Variants in MARCHF1 observed in about 807,000 individuals in gnomAD.
MARCHF1 encodes the protein E3 ubiquitin-protein ligase MARCHF1.
In MARCHF1, 40 loss-of-function variants were observed where a neutral mutation model predicts 54.2. The observed-to-expected ratio is 0.74, with a 90% confidence interval of 0.57 to 0.96. The LOEUF (loss-of-function observed/expected upper bound fraction) is 0.96. Ranked by LOEUF, MARCHF1 falls within the 40% of genes least tolerant of loss-of-function variation. The pLI, the probability that MARCHF1 is intolerant of heterozygous loss-of-function variation, is 0.00. For synonymous variants in MARCHF1, 236 were observed against 236.3 expected (o/e 1.00, Z 0.01); for missense variants, 586 against 656.5 (o/e 0.89, Z 1.17).
intron 3 of MARCHF1, among the ~76,000 whole-genome samples, chr4:163,956,486 C>T (rs147039533): frequency 1.3e-5 from 2 of 152,150 alleles, no homozygotes; most frequent in African/African-American, 4.8e-5. Context: ...TATTCTTTAG[C>T]CCACTAGTTA....
rs918382013 is a variant in MARCHF1, at chr4:163,527,693, T to G, written c.*1055A>C. ...TTTGAAATACTCAACAACTGTTAAATAAAGCAGAAGCTTAGTCTCTAATTT... is the reference window on the plus strand; with the variant it reads ...TTTGAAATACTCAACAACTGTTAAAGAAAGCAGAAGCTTAGTCTCTAATTT... On this transcript the variant is annotated 3_prime_UTR_variant, in exon 10 of 10. Coordinates refer to ENST00000514618, the MANE Select transcript of MARCHF1 (RefSeq NM_001394959.1). 1 of 152,060 alleles carries G rather than the reference T, an allele frequency of 6.6e-6. No individual in the cohort carries two copies. The highest frequency in any genetic ancestry group is 2.4e-5 in the African/African-American group (1 of 41,434). 9.4% of individuals were successfully genotyped at this position (152,060 alleles called of 1,614,324 possible).
chr4:163,938,539 A>G (rs940081668), intron 3 of MARCHF1, among the ~76,000 whole-genome samples: 2 of 152,196 alleles, frequency 1.3e-5, no homozygotes, highest in African/African-American at 4.8e-5. Flanking sequence ...CACAATGGCC[A>G]CATTGTACCC....
intron 4 of MARCHF1, among the ~76,000 whole-genome samples, chr4:163,712,418 T>A (rs1003438030): frequency 1.3e-5 from 2 of 152,160 alleles, no homozygotes; most frequent in African/African-American, 4.8e-5. Context: ...TTAAAAATAC[T>A]AGATACTTTG....
chr4:163,544,324 GAATA>G (rs1301100420), intron 9 of MARCHF1, among the ~76,000 whole-genome samples: 1 of 152,120 alleles, frequency 6.6e-6, no homozygotes, highest in Admixed American at 6.5e-5. Context: ...AGTTAATATG[GAATA>G]AATAAACACA....
chr4:163,982,760 T>C (rs767335360), intron 3 of MARCHF1, among the ~76,000 whole-genome samples: 1 of 152,206 alleles, frequency 6.6e-6, no homozygotes, highest in Non-Finnish European at 1.5e-5. Context: ...TGTGGTCCCT[T>C]TGAAGCTCCA....
intron 3 of MARCHF1, among the ~76,000 whole-genome samples, chr4:163,912,140 A>G (rs1416188963): frequency 6.6e-6 from 1 of 151,762 alleles, no homozygotes; most frequent in Non-Finnish European, 1.5e-5. Context: ...AAAACGAGAG[A>G]GAGAGATGAG....
chr4:164,110,763 C>A (rs370211242), intron 2 of MARCHF1, among the ~76,000 whole-genome samples: 2 of 150,302 alleles, frequency 1.3e-5, no homozygotes, highest in Non-Finnish European at 3.0e-5. Context: ...GTATTACATT[C>A]TCTTAACCTA....
chr4:163,944,544 C>T (rs898510315), intron 3 of MARCHF1, among the ~76,000 whole-genome samples: 9 of 152,158 alleles, frequency 5.9e-5, no homozygotes, highest in African/African-American at 2.2e-4. Flanking sequence ...TTGGCCAAGG[C>T]TGTATTGGAT....
intron 5 of MARCHF1, among the ~76,000 whole-genome samples, chr4:163,637,571 A>G (rs1208088904): frequency 6.6e-6 from 1 of 151,284 alleles, no homozygotes; most frequent in East Asian, 1.9e-4. Context: ...TAGAATGGCA[A>G]TCATTAAAAA....
intron 1 of MARCHF1, among the ~76,000 whole-genome samples, chr4:164,244,908 G>A (rs1732893839): frequency 6.6e-6 from 1 of 151,900 alleles, no homozygotes; most frequent in South Asian, 2.1e-4. Context: ...ACTAAACCAG[G>A]AAGAAGTTGA....
chr4:163,806,617 T>G (rs893896943), intron 4 of MARCHF1, among the ~76,000 whole-genome samples: 2 of 152,116 alleles, frequency 1.3e-5, no homozygotes, highest in South Asian at 2.1e-4. Context: ...GGGTTTACTT[T>G]CAGGTGGCAA....
chr4:164,132,310 C>G (rs566002904), intron 1 of MARCHF1, among the ~76,000 whole-genome samples: 1 of 152,142 alleles, frequency 6.6e-6, no homozygotes, highest in East Asian at 1.9e-4. Flanking sequence ...AGAGTCCTGT[C>G]TTTTTGTAGA....
intron 1 of MARCHF1, among the ~76,000 whole-genome samples, chr4:164,143,743 A>G (rs376711931): frequency 0.38 from 57,657 of 151,704 alleles, 12,172 homozygotes; most frequent in Non-Finnish European, 0.48. Context: ...GACCATAGAG[A>G]CTAGGAAGAA....
At chr4:164,183,108 CTAAT>C (rs1730876403) in intron 1 of MARCHF1, among the ~76,000 whole-genome samples, 2 of 151,984 alleles carry the variant, frequency 1.3e-5, no homozygotes, top group South Asian at 4.2e-4. Context: ...TTTCCATTCT[CTAAT>C]TGTTTGATCA....
chr4:163,531,987 G>GACTT (rs961559567), intron 9 of MARCHF1, among the ~76,000 whole-genome samples: 23 of 151,906 alleles, frequency 1.5e-4, no homozygotes, highest in African/African-American at 5.5e-4. Context: ...TGGATAGGGA[G>GACTT]ACTTAATATT....
intron 1 of MARCHF1, chr4:164,188,556 G>T: frequency 1.3e-6 from 1 of 756,268 alleles, no homozygotes; most frequent in Non-Finnish European, 2.5e-6. Flanking sequence ...CAGAGCAAAC[G>T]CATCACGCGG....
intron 2 of MARCHF1, among the ~76,000 whole-genome samples, chr4:163,989,446 T>C (rs559657912): frequency 6.6e-6 from 1 of 152,294 alleles, no homozygotes; most frequent in Admixed American, 6.5e-5. Flanking sequence ...GTCTGAAGCA[T>C]AGAGCTCTAT....
intron 8 of MARCHF1, among the ~76,000 whole-genome samples, chr4:163,561,226 A>G (rs1739456863): frequency 6.6e-6 from 1 of 152,184 alleles, no homozygotes; most frequent in Admixed American, 6.5e-5. Context: ...TACAATTAGA[A>G]ACTTTTGTTT....
At chr4:164,287,728 T>C (rs1361863595) in intron 1 of MARCHF1, among the ~76,000 whole-genome samples, 2 of 152,164 alleles carry the variant, frequency 1.3e-5, no homozygotes, top group African/African-American at 4.8e-5. Flanking sequence ...TCATAAGAGA[T>C]TCTGGAGGAA....
Sources: gnomAD v4.1 joint callset for allele counts (sites outside exome capture counted in the v4.1 genomes callset) on GRCh38, gnomAD v4.1.1 for gene constraint, MANE v1.5 for transcripts, NCBI Gene and HGNC (gene_info 2026-07-23, HGNC 2026-07-21) for gene names.